USP34: variants seen among roughly 807,000 people sequenced by gnomAD.
USP34 encodes the protein ubiquitin specific peptidase 34, also known as ubiquitin carboxyl-terminal hydrolase 34.
USP34 carries 70 observed loss-of-function variants against 460.3 expected under a neutral mutation model. The ratio of observed to expected loss-of-function variants is 0.15; its 90% CI spans 0.13 to 0.19. USP34 has a LOEUF of 0.19. USP34 is among the 10% of genes least tolerant of loss of function. USP34 has a pLI of 1.00. For missense variants in USP34, 3,985 were observed against 4,236.2 expected (o/e 0.94, Z 1.65); for synonymous variants, 1,647 against 1,405.3 (o/e 1.17, Z -3.85).
intron 10 of USP34, among the ~76,000 whole-genome samples, chr2:61,356,118 G>T (rs762738652): frequency 2.6e-5 from 4 of 151,520 alleles, no homozygotes; most frequent in African/African-American, 9.7e-5. Context: ...TCACTACAGC[G>T]TTATTCCTAA....
chr2:61,312,014 T>C, intron 25 of USP34, 104 bp from the exon 26 acceptor site: 1 of 1,399,632 alleles, frequency 7.1e-7, no homozygotes, highest in Non-Finnish European at 9.5e-7. Context: ...CCAAAAGAAG[T>C]TCTAAGTTCA....
intron 53 of USP34, among the ~76,000 whole-genome samples, chr2:61,237,382 T>C (rs1688098362): frequency 6.6e-6 from 1 of 152,038 alleles, no homozygotes; most frequent in Non-Finnish European, 1.5e-5. Flanking sequence ...TTCAACCCCA[T>C]AATGGCCTAA....
At chr2:61,309,549 G>T (rs1337514201) in intron 27 of USP34, among the ~76,000 whole-genome samples, 5 of 152,152 alleles carry the variant, frequency 3.3e-5, no homozygotes, top group Non-Finnish European at 7.3e-5. Context: ...TGTTACAAAA[G>T]AATGGACGAC....
At chr2:61,313,516 C>G (rs1558524980) in intron 25 of USP34, among the ~76,000 whole-genome samples, 2 of 152,106 alleles carry the variant, frequency 1.3e-5, no homozygotes, top group African/African-American at 2.4e-5. Context: ...GAAATTATAG[C>G]AGACTTTCAT....
In USP34 at chr2:61,228,715, T is replaced by A. The variant is rs777171243; in HGVS notation, c.7373A>T (p.Gln2458Leu). The A allele has an allele frequency of 3.1e-6, 5 of 1,609,950 alleles. No homozygotes were observed. Among genetic ancestry groups the A allele is most frequent in the Non-Finnish European group, 4.2e-6 (5 of 1,178,722 alleles). The change falls in exon 61 of 80, where the codon CAA becomes CTA. Residue 2458 changes from glutamine (Q) to leucine (L), a missense_variant. Gln to Leu is a moderately radical substitution (Grantham distance 113, BLOSUM62 -2). Coordinates refer to ENST00000398571, the MANE Select transcript of USP34 (RefSeq NM_014709.4). ...EFAKMGEEES[Q>L]FLLSLQAIST... The stretch of plus-strand genomic sequence containing the variant: ...TATAGCTTGCAATGAAAGCAAAAAT[T>A]GGCTCTAAACAAACAAACAAACAAA...
chr2:61,285,706 CAT>C (rs1689669547), intron 34 of USP34, among the ~76,000 whole-genome samples: 1 of 151,864 alleles, frequency 6.6e-6, no homozygotes, highest in Admixed American at 6.6e-5. Context: ...TTTAAAAAAA[CAT>C]CAAGTAGTAA....
chr2:61,238,012 C>T (rs1213942965), intron 53 of USP34, among the ~76,000 whole-genome samples: 1 of 152,012 alleles, frequency 6.6e-6, no homozygotes, highest in East Asian at 1.9e-4. Context: ...TCTCTTGCCT[C>T]AGCCTCCCAA....
At chr2:61,293,615 A>T in intron 32 of USP34, 65 bp from the exon 33 acceptor site, 1 of 1,186,388 alleles carries the variant, frequency 8.4e-7, no homozygotes, top group Non-Finnish European at 1.2e-6. Context: ...ATGCTTGTTG[A>T]TTCAGTAACT....
chr2:61,461,543 T>C (rs1235433570), intron 1 of USP34, among the ~76,000 whole-genome samples: 4 of 152,178 alleles, frequency 2.6e-5, no homozygotes, highest in Non-Finnish European at 5.9e-5. Flanking sequence ...TTTTAAGAGA[T>C]GAAGTCTTGC....
At chr2:61,323,586 G>GGT (rs1001807309) in intron 21 of USP34, among the ~76,000 whole-genome samples, 47 of 152,194 alleles carry the variant, frequency 3.1e-4, no homozygotes, top group African/African-American at 1.1e-3. Context: ...TGGAGACTGA[G>GGT]GTGGGAGGAT....
intron 22 of USP34, among the ~76,000 whole-genome samples, chr2:61,318,014 G>A (rs576624148): frequency 5.9e-5 from 9 of 151,794 alleles, no homozygotes; most frequent in Non-Finnish European, 8.8e-5. Flanking sequence ...GCAACATGGC[G>A]AAATCTCATC....
At chr2:61,196,911 T>C (rs771763671) in intron 75 of USP34, among the ~76,000 whole-genome samples, 1 of 152,180 alleles carries the variant, frequency 6.6e-6, no homozygotes, top group Non-Finnish European at 1.5e-5. Context: ...AAAAATACCA[T>C]AGAGGCCTTT....
In USP34 at chr2:61,354,688, CT is replaced by C. The variant is rs2103795924; in HGVS notation, c.1252-3996del. 2.6e-5 allele frequency among the ~76,000 whole-genome samples: 4 copies of C among 152,210 alleles called. No individual in the cohort carries two copies. In the East Asian group the frequency reaches 7.7e-4, roughly 29 times the overall value. ...CTTTTTTTCACAGCCAGCCAAATGA[CT>C]CAGAAAACCTAGAATGTTTGAGGAA... is the stretch of plus-strand genomic sequence containing the variant. On this transcript the variant is annotated intron_variant, in intron 10 of 79. Coordinates refer to ENST00000398571, the MANE Select transcript of USP34 (RefSeq NM_014709.4).
intron 2 of USP34, among the ~76,000 whole-genome samples, chr2:61,407,749 C>G (rs1693920582): frequency 6.6e-6 from 1 of 152,162 alleles, no homozygotes. Context: ...GAGGAAGCCA[C>G]CTATCACTGA....
chr2:61,447,538 A>C (rs1008782848), intron 1 of USP34, among the ~76,000 whole-genome samples: 4 of 152,188 alleles, frequency 2.6e-5, no homozygotes, highest in African/African-American at 9.7e-5. Flanking sequence ...CAGATGTTTT[A>C]TGAAAAAAGC....
intron 51 of USP34, among the ~76,000 whole-genome samples, 182 bp downstream of exon 51, chr2:61,245,028 G>C (rs1290324435): frequency 6.6e-6 from 1 of 151,304 alleles, no homozygotes; most frequent in African/African-American, 2.4e-5. Flanking sequence ...GTGGAAAGCA[G>C]AAATAGCACT....
rs140903853 is a variant in USP34, at chr2:61,243,643, G to A, written c.6627+1567C>T. On this transcript the variant is annotated intron_variant, in intron 51 of 79. Transcript: ENST00000398571. ...AATCCCAGCACTTTGGGAGCCCAAGGTGGGCGATCACAAGGTCAGGAGATC... is the reference window on the plus strand; with the variant it reads ...AATCCCAGCACTTTGGGAGCCCAAGATGGGCGATCACAAGGTCAGGAGATC... 7.5e-3 allele frequency among the ~76,000 whole-genome samples: 1,132 copies of A among 151,034 alleles called. 13 individuals are homozygous for A. Among genetic ancestry groups the A allele is most frequent in the African/African-American group, 0.025 (1,027 of 41,060 alleles).
chr2:61,232,500 C>A lies in USP34; in HGVS notation c.7065G>T (p.Trp2355Cys), dbSNP rs1215227581. 2 of 1,611,166 alleles carry A rather than the reference C, an allele frequency of 1.2e-6. No individual in the cohort carries two copies. Among genetic ancestry groups the A allele is most frequent in the Non-Finnish European group, 1.7e-6 (2 of 1,179,336 alleles). The change falls in exon 58 of 80, where the codon TGG becomes TGT. Residue 2355 changes from tryptophan to cysteine, a missense_variant. Trp to Cys is a radical substitution (Grantham distance 215). Coordinates refer to ENST00000398571, the MANE Select transcript of USP34 (RefSeq NM_014709.4). Reference protein sequence around the residue: ...WFLDRMADDDWWPMQILIKCP... With the variant: ...WFLDRMADDDCWPMQILIKCP... ...ACTTAATTAGTATCTGCATTGGCCA[C>A]CAGTCGTCATCAGCCATACGATCTA...
At chr2:61,346,622 C>T (rs542122580) in intron 15 of USP34, among the ~76,000 whole-genome samples, 5 of 137,702 alleles carry the variant, frequency 3.6e-5, no homozygotes, top group Middle Eastern at 4.6e-3. Context: ...GTCAGGAGTT[C>T]AAGACCAGCC....
Sources: allele counts gnomAD v4.1 joint callset (sites outside exome capture counted in the v4.1 genomes callset), GRCh38; gene constraint gnomAD v4.1.1; transcripts MANE v1.5; gene names NCBI Gene and HGNC (gene_info 2026-07-23, HGNC 2026-07-21).